Variants in TBPL1 observed in about 807,000 individuals in gnomAD.
TBPL1 encodes the protein TATA-box binding protein like 1, also known as TATA box-binding protein-like 1.
A neutral mutation model predicts 22.1 loss-of-function variants in TBPL1; 4 were observed. The ratio of observed to expected loss-of-function variants is 0.18; its 90% CI spans 0.09 to 0.41. TBPL1 has a LOEUF of 0.41. Ranked by LOEUF, TBPL1 falls within the 10% of genes least tolerant of loss-of-function variation. The probability of loss-of-function intolerance (pLI) is 1.00; values close to 1 mark genes in which losing one functional copy is unlikely to be tolerated. For missense variants in TBPL1, 115 were observed against 222.3 expected, an observed-to-expected ratio of 0.52 and a Z score of 3.07; for synonymous variants, 64 against 71.0, an observed-to-expected ratio of 0.90 and a Z score of 0.50.
At chr6:133,983,544 C>G (rs888485508) in intron 4 of TBPL1, among the ~76,000 whole-genome samples, 1 of 152,020 alleles carries the variant, frequency 6.6e-6, no homozygotes, top group East Asian at 1.9e-4. Context: ...AGAGACTGAA[C>G]GGCTGGTGGG....
Position 133,990,297 on chromosome 6 carries a change from C to T in TBPL1, c.*3257C>T, listed in dbSNP as rs1408298245. On this transcript the variant is annotated 3_prime_UTR_variant, in exon 7 of 7. Transcript: ENST00000237264. ...TTGTCATGAAAGCCTTACAAGGAGG[C>T]AGCTTTTCTAGGCTTGACTTAATAA... The T allele has an allele frequency of 6.6e-6, 1 of 152,572 alleles. No individual in the cohort carries two copies. The highest frequency in any genetic ancestry group is 2.4e-5 in the African/African-American group (1 of 41,416). The allele number at this position is 152,572 out of a possible 1,614,324, so 9.5% of individuals were successfully genotyped here. A position where few individuals can be genotyped will look rare whatever the true frequency, so the allele number is the denominator to read the frequency against.
chr6:133,980,558 T>C (rs930332435), intron 2 of TBPL1, among the ~76,000 whole-genome samples: 18 of 152,046 alleles, frequency 1.2e-4, no homozygotes, highest in African/African-American at 4.1e-4. Context: ...CATGTACCTA[T>C]TCAAATATGA....
chr6:133,980,259 G>A lies in TBPL1; in HGVS notation c.134G>A (p.Gly45Glu). 1 of 1,602,896 alleles carries A rather than the reference G, an allele frequency of 6.2e-7. No homozygotes were observed. Among genetic ancestry groups the A allele is most frequent in the South Asian group, 1.1e-5 (1 of 88,436 alleles). The stretch of plus-strand genomic sequence containing the variant: ...AATGTAATTTATAAACGTGATGTTG[G>A]AGTAAGTATCTGAGTTTTCGTATTT... ...GANVIYKRDV[G>E]KVLMKLRKPR... is the part of the protein sequence containing the mutation. Residue 45 changes from glycine to glutamate, a missense_variant and splice_region_variant, in exon 2 of 7, where the codon GGA becomes GAA. Transcript: ENST00000237264.
intron 1 of TBPL1, among the ~76,000 whole-genome samples, chr6:133,970,128 G>A (rs916638368): frequency 6.6e-6 from 1 of 152,020 alleles, no homozygotes; most frequent in Non-Finnish European, 1.5e-5. Flanking sequence ...TTTTTTGTGT[G>A]GCTTCATGAG....
intron 1 of TBPL1, among the ~76,000 whole-genome samples, chr6:133,967,647 C>A (rs1043433956): frequency 2.0e-5 from 3 of 152,086 alleles, no homozygotes; most frequent in Non-Finnish European, 4.4e-5. Flanking sequence ...GTACTGTAGG[C>A]AGTTGTAACA....
Position 133,987,060 on chromosome 6 carries a change from G to A in TBPL1, c.*20G>A. ...TTATAATTCACCACTTAATTGGTTA[G>A]AATCTCTAACTGAGCACCTTTTAAA... On this transcript the variant is annotated 3_prime_UTR_variant, in exon 7 of 7. Coordinates refer to ENST00000237264, the MANE Select transcript of TBPL1 (RefSeq NM_004865.4). 3.2e-6 allele frequency: 5 copies of A among 1,583,866 alleles called. No homozygotes were observed. The highest frequency in any genetic ancestry group is 4.3e-6 in the Non-Finnish European group (5 of 1,157,706).
At position 133,982,862 on chromosome 6, in the gene TBPL1, G is replaced by A. The variant is rs775268859; in HGVS notation, c.264G>A (p.Leu88=). ...GTGCCAGACGCTTAGCCCGTAGTCT[G>A]CAGAAACTAGGTTTTCAGGTAACGT... ...KFGARRLARS[L]QKLGFQVIFT... is the part of the protein sequence containing the mutation. The change falls in exon 4 of 7, where the codon CTG becomes CTA. Residue 88 remains leucine (L), a synonymous_variant. Transcript: ENST00000237264. 1.1e-5 allele frequency: 17 copies of A among 1,609,098 alleles called. No homozygotes were observed. The East Asian group carries it at 3.3e-4, about 32-fold the overall frequency.
At chr6:133,977,823 A>G (rs1044126061) in intron 1 of TBPL1, among the ~76,000 whole-genome samples, 1 of 152,166 alleles carries the variant, frequency 6.6e-6, no homozygotes, top group African/African-American at 2.4e-5. Flanking sequence ...CCTCATCCTC[A>G]TTGTCTCGTG....
At chr6:133,967,226 C>G (rs1213717393) in intron 1 of TBPL1, among the ~76,000 whole-genome samples, 1 of 152,162 alleles carries the variant, frequency 6.6e-6, no homozygotes, top group Non-Finnish European at 1.5e-5. Flanking sequence ...ATTTCCAGTT[C>G]ATTGTTATAG....
chr6:133,974,392 G>A (rs1362304400), intron 1 of TBPL1, among the ~76,000 whole-genome samples: 1 of 152,172 alleles, frequency 6.6e-6, no homozygotes, highest in Non-Finnish European at 1.5e-5. Flanking sequence ...GGAGTGCAGT[G>A]GCGCGATCTC....
chr6:133,985,291 AAAAAAAATATATATATAT>A (rs1776489823), intron 6 of TBPL1, among the ~76,000 whole-genome samples: 1 of 66,222 alleles, frequency 1.5e-5, no homozygotes, highest in African/African-American at 6.1e-5. Context: ...AAAAAAAAAA[AAAAAAAATATATATATAT>A]ATATATATAT....
intron 1 of TBPL1, among the ~76,000 whole-genome samples, chr6:133,976,072 A>G (rs1273895578): frequency 6.6e-6 from 1 of 152,218 alleles, no homozygotes; most frequent in African/African-American, 2.4e-5. Flanking sequence ...ACCATGAAAT[A>G]TAATGAAATG....
chr6:133,961,465 C>CTTTTTTTT (rs61695774), intron 1 of TBPL1, among the ~76,000 whole-genome samples: 85 of 100,186 alleles, frequency 8.5e-4, no homozygotes, highest in Non-Finnish European at 1.1e-3. Flanking sequence ...TTCTTTCTTT[C>CTTTTTTTT]TTTTTTTTTT....
chr6:133,956,610 A>G (rs570248743), intron 1 of TBPL1, among the ~76,000 whole-genome samples: 1 of 152,306 alleles, frequency 6.6e-6, no homozygotes, highest in Non-Finnish European at 1.5e-5. Context: ...TTTGAAGATT[A>G]CGTTGTTAAT....
intron 1 of TBPL1, among the ~76,000 whole-genome samples, chr6:133,958,092 G>C (rs1319411962): frequency 1.3e-5 from 2 of 152,190 alleles, no homozygotes; most frequent in Admixed American, 1.3e-4. Context: ...ATGGCAGATG[G>C]ACTAAGTAAA....
chr6:133,973,652 C>CA (rs1203344279), intron 1 of TBPL1, among the ~76,000 whole-genome samples: 1 of 152,094 alleles, frequency 6.6e-6, no homozygotes, highest in Non-Finnish European at 1.5e-5. Flanking sequence ...GAAAGAGGAC[C>CA]AAAAATACAG....
chr6:133,966,354 T>C (rs1252497983), intron 1 of TBPL1, among the ~76,000 whole-genome samples: 1 of 152,180 alleles, frequency 6.6e-6, no homozygotes, highest in African/African-American at 2.4e-5. Context: ...TAAGTATGTA[T>C]AGTAACATTA....
At chr6:133,972,903 C>T (rs1236154274) in intron 1 of TBPL1, among the ~76,000 whole-genome samples, 1 of 152,038 alleles carries the variant, frequency 6.6e-6, no homozygotes, top group Non-Finnish European at 1.5e-5. Flanking sequence ...GGTATTATCA[C>T]CAATTTATAG....
upstream of TBPL1, among the ~76,000 whole-genome samples, chr6:133,952,919 A>G (rs1451062537): frequency 6.6e-6 from 1 of 152,128 alleles, no homozygotes; most frequent in African/African-American, 2.4e-5. The surrounding 1 kb of genome is among the most constrained non-coding windows in gnomAD (Gnocchi z 4.5). Flanking sequence ...TGTTTTCAGA[A>G]CCCTTTCAAG....
Sources: gnomAD v4.1 joint callset for allele counts (sites outside exome capture counted in the v4.1 genomes callset) on GRCh38, gnomAD v4.1.1 for gene constraint, Gnocchi (gnomAD v3.1) non-coding constraint, MANE v1.5 for transcripts, NCBI Gene and HGNC (gene_info 2026-07-23, HGNC 2026-07-21) for gene names.